MYBPC1: variants seen among roughly 807,000 people sequenced by gnomAD.
The protein encoded by MYBPC1 is myosin-binding protein C, slow-type.
MYBPC1 carries 52 observed loss-of-function variants against 147.1 expected under a neutral mutation model. That is an observed-to-expected ratio of 0.35 (90% CI 0.28 to 0.45). MYBPC1 has a LOEUF of 0.45. MYBPC1 is among the 20% of genes least tolerant of loss of function. The pLI is 1.00. For synonymous variants in MYBPC1, 477 were observed against 475.9 expected (o/e 1.00, Z -0.03); for missense variants, 1,228 against 1,440.3 (o/e 0.85, Z 2.39).
downstream of MYBPC1, among the ~76,000 whole-genome samples, chr12:101,688,811 G>A (rs2695298): frequency 0.52 from 79,243 of 151,688 alleles, 21,346 homozygotes; most frequent in Admixed American, 0.61. Flanking sequence ...AAATTATCCA[G>A]GTGTGGTAGC....
chr12:101,619,046 C>T (rs566547598), intron 3 of MYBPC1, among the ~76,000 whole-genome samples: 14 of 152,186 alleles, frequency 9.2e-5, no homozygotes, highest in African/African-American at 3.1e-4. Context: ...CAGTCCTCTT[C>T]ATCAAGGACA....
chr12:101,632,837 C>A (rs750623180), intron 8 of MYBPC1, among the ~76,000 whole-genome samples: 11 of 152,172 alleles, frequency 7.2e-5, no homozygotes, highest in Non-Finnish European at 1.3e-4. Flanking sequence ...TCAAGCAGTT[C>A]TCATGCCTCA....
intron 8 of MYBPC1, 117 bp from the exon 9 acceptor site, chr12:101,634,437 C>G: frequency 2.4e-6 from 2 of 822,618 alleles, no homozygotes; most frequent in African/African-American, 1.7e-5. Context: ...AGGAGAAAAG[C>G]CTCCCCCCTT....
chr12:101,687,416 T>C (rs1951367267), downstream of MYBPC1, among the ~76,000 whole-genome samples: 1 of 152,230 alleles, frequency 6.6e-6, no homozygotes, highest in African/African-American at 2.4e-5. Flanking sequence ...TCATTTTTTA[T>C]GGCTGCATAG....
intron 1 of MYBPC1, among the ~76,000 whole-genome samples, chr12:101,598,244 C>T (rs757501491): frequency 2.6e-5 from 4 of 151,944 alleles, no homozygotes; most frequent in African/African-American, 4.8e-5. Flanking sequence ...GGTCTCGAAC[C>T]GCTGACCTCA....
At chr12:101,646,067 C>T (rs1188833994) in intron 12 of MYBPC1, among the ~76,000 whole-genome samples, 1 of 152,060 alleles carries the variant, frequency 6.6e-6, no homozygotes, top group Non-Finnish European at 1.5e-5. Flanking sequence ...AGTCTCTACC[C>T]ACCTATAAAG....
chr12:101,644,792 A>G lies in MYBPC1; in HGVS notation c.961A>G (p.Thr321Ala), dbSNP rs1185776061. 4 of 1,613,790 alleles carry G rather than the reference A, an allele frequency of 2.5e-6. No individual in the cohort carries two copies. Among genetic ancestry groups the G allele is most frequent in the Non-Finnish European group, 3.4e-6 (4 of 1,179,772 alleles). The change falls in exon 12 of 32, where the codon ACC (threonine) becomes GCC (alanine). Residue 321 changes from threonine to alanine, a missense_variant. Thr to Ala is a moderately conservative substitution (Grantham distance 58, BLOSUM62 0). Transcript: ENST00000361466. Reference protein sequence around the residue: ...YKNGQEIRPSTKYIFEHKGCQ... With the variant: ...YKNGQEIRPSAKYIFEHKGCQ... ...AAATGGTCAAGAAATTCGACCCAGT[A>G]CCAAGTAAGTGGGCTTTGCAAAAAT...
chr12:101,677,172 C>T (rs1398458059), intron 26 of MYBPC1, 63 bp from the exon 27 acceptor site: 5 of 1,523,236 alleles, frequency 3.3e-6, no homozygotes, highest in African/African-American at 1.4e-5. Flanking sequence ...TCCCAATCTA[C>T]AGTTAGAAAA....
intron 1 of MYBPC1, among the ~76,000 whole-genome samples, chr12:101,600,937 T>C (rs1879671750): frequency 6.6e-6 from 1 of 152,224 alleles, no homozygotes. Flanking sequence ...ATCTTCTTTG[T>C]TATTATTCCA....
chr12:101,623,223 C>T lies in MYBPC1; in HGVS notation c.104-3649C>T, dbSNP rs565887752. ...GTGTGGTGGCAGACGTCTGTAGTCTCAGCTACTCAGGAGGTTGAGGCACAA... is the reference window on the plus strand; with the variant it reads ...GTGTGGTGGCAGACGTCTGTAGTCTTAGCTACTCAGGAGGTTGAGGCACAA... On this transcript the variant is annotated intron_variant, in intron 3 of 31. Transcript: ENST00000361466. Among the ~76,000 whole-genome samples the T allele has an allele frequency of 1.3e-4, 20 of 152,228 alleles. No individual in the cohort carries two copies. The South Asian group carries it at 3.1e-3, about 24-fold the overall frequency.
At chr12:101,669,118 C>T (rs113736156) in intron 23 of MYBPC1, among the ~76,000 whole-genome samples, 56 of 152,202 alleles carry the variant, frequency 3.7e-4, no homozygotes, top group Admixed American at 1.0e-3. Flanking sequence ...AGAATAATAA[C>T]TTTCATCAAA....
At chr12:101,642,303 A>G (rs899113086) in intron 10 of MYBPC1, 116 bp from the exon 11 acceptor site, 2 of 1,099,040 alleles carry the variant, frequency 1.8e-6, no homozygotes, top group Non-Finnish European at 1.4e-6. Context: ...TCAAGTACTC[A>G]GGCTTTAAAC....
chr12:101,627,219 A>C (rs1452195783), intron 4 of MYBPC1, among the ~76,000 whole-genome samples: 2 of 152,002 alleles, frequency 1.3e-5, no homozygotes, highest in Admixed American at 6.6e-5. Context: ...CCTGTTCTTT[A>C]AATTTAGATA....
At chr12:101,681,588 A>T (rs1187473305) in intron 29 of MYBPC1, among the ~76,000 whole-genome samples, 1 of 25,120 alleles carries the variant, frequency 4.0e-5, no homozygotes, top group African/African-American at 2.6e-4. Flanking sequence ...ATATATATAT[A>T]TATATTTTTT....
chr12:101,692,460 G>A, the MYBPC1 span, among the ~76,000 whole-genome samples: 2 of 152,104 alleles, frequency 1.3e-5, no homozygotes, highest in Admixed American at 6.5e-5. Flanking sequence ...CAGACTACAC[G>A]GGCTTGAATC....
chr12:101,675,473 C>T, intron 26 of MYBPC1, 42 bp downstream of exon 26: 1 of 1,613,192 alleles, frequency 6.2e-7, no homozygotes, highest in Non-Finnish European at 8.5e-7. Flanking sequence ...GCAAAAGGCA[C>T]ATTTCATCAG....
Position 101,652,544 on chromosome 12 carries a change from CTT to C in MYBPC1, c.1527-132_1527-131del, listed in dbSNP as rs55961772. ...TCTCATCCTCTCTCTCTCTCTCTCT[CTT>C]TCTCTCTCTCTCTCCCTCTCTTTCC... On this transcript the variant is annotated intron_variant, in intron 16 of 31. Transcript: ENST00000361466. 7.5e-6 allele frequency: 5 copies of C among 668,658 alleles called. No individual in the cohort carries two copies. The East Asian group carries it at 8.4e-5, about 11-fold the overall frequency. The allele number at this position is 668,658 out of a possible 1,614,324, so 41.4% of individuals were successfully genotyped here.
intron 2 of MYBPC1, among the ~76,000 whole-genome samples, chr12:101,616,852 G>A (rs1401056462): frequency 6.6e-6 from 1 of 152,154 alleles, no homozygotes; most frequent in Admixed American, 6.5e-5. Context: ...TCAGTCCCTT[G>A]CTGAGGTCTA....
At chr12:101,600,748 A>G (rs911757085) in intron 1 of MYBPC1, among the ~76,000 whole-genome samples, 2 of 152,178 alleles carry the variant, frequency 1.3e-5, no homozygotes, top group East Asian at 3.8e-4. Flanking sequence ...AGTCTATGAA[A>G]ACTATATTAA....
Sources: allele counts gnomAD v4.1 joint callset (sites outside exome capture counted in the v4.1 genomes callset), GRCh38; gene constraint gnomAD v4.1.1; transcripts MANE v1.5; gene names NCBI Gene and HGNC (gene_info 2026-07-23, HGNC 2026-07-21).